The following RUNDC3B variants were observed in gnomAD, a reference collection of about 807,000 sequenced individuals.
RUNDC3B encodes RUN domain containing 3B.
A neutral mutation model predicts 58.4 loss-of-function variants in RUNDC3B; 33 were observed. The ratio of observed to expected loss-of-function variants is 0.56; its 90% CI spans 0.43 to 0.75. The LOEUF (loss-of-function observed/expected upper bound fraction) is 0.75. Ranked by LOEUF, RUNDC3B falls within the 30% of genes least tolerant of loss-of-function variation. RUNDC3B has a pLI of 0.00. For synonymous variants in RUNDC3B, 193 were observed against 195.2 expected, an observed-to-expected ratio of 0.99 and a Z score of 0.10; for missense variants, 501 against 535.7, an observed-to-expected ratio of 0.94 and a Z score of 0.64.
Position 87,628,829 on chromosome 7 carries a change from C to G in RUNDC3B, c.6C>G (p.Ala2=). The G allele has an allele frequency of 8.0e-7, 1 of 1,254,602 alleles. No individual in the cohort carries two copies. The highest frequency in any genetic ancestry group is 1.0e-6 in the Non-Finnish European group (1 of 990,854). The allele number at this position is 1,254,602 out of a possible 1,614,324, so 77.7% of individuals were successfully genotyped here. The change falls in exon 1 of 11, where the codon GCC becomes GCG. Residue 2 remains alanine (A), a synonymous_variant. Transcript: ENST00000394654. M[A]SRSLGGLSGI... ...GGCACGGGGGTAAGCCCGCCATGGC[C>G]TCCCGGAGCCTGGGGGGCCTGAGCG...
Position 87,702,075 on chromosome 7 carries a change from G to A in RUNDC3B, c.372+1521G>A, listed in dbSNP as rs1173164918. ...GGAGAATGGCGTGAACCCAGGAGGC[G>A]GAGCTTGCAGTGAGCAGAGATCGCG... On this transcript the variant is annotated intron_variant, in intron 3 of 10. Coordinates refer to ENST00000394654, the MANE Select transcript of RUNDC3B (RefSeq NM_001134405.2). Among the ~76,000 whole-genome samples, 21 of 143,278 alleles carry A rather than the reference G, an allele frequency of 1.5e-4. 1 individual carries two copies. Among genetic ancestry groups the A allele is most frequent in the Admixed American group, 2.1e-4 (3 of 14,090 alleles). The allele number at this position is 143,278 out of a possible 152,430, so 94.0% of individuals were successfully genotyped here.
intron 9 of RUNDC3B, among the ~76,000 whole-genome samples, chr7:87,810,487 G>A (rs907909925): frequency 6.6e-6 from 1 of 152,174 alleles, no homozygotes; most frequent in African/African-American, 2.4e-5. Flanking sequence ...AAGTTAGGTA[G>A]CAGTTTGTTA....
At chr7:87,673,141 T>G (rs1444890847) in intron 2 of RUNDC3B, among the ~76,000 whole-genome samples, 1 of 152,188 alleles carries the variant, frequency 6.6e-6, no homozygotes, top group Non-Finnish European at 1.5e-5. Context: ...TTTTGCTGCC[T>G]TTAACATTTT....
At chr7:87,709,416 A>G (rs958805020) in intron 3 of RUNDC3B, 28 of 985,250 alleles carry the variant, frequency 2.8e-5, no homozygotes, top group Non-Finnish European at 3.4e-5. Context: ...CCTCTGTTCC[A>G]ATCAGCTACA....
At chr7:87,756,036 G>A (rs1229729390) in intron 6 of RUNDC3B, among the ~76,000 whole-genome samples, 2 of 152,114 alleles carry the variant, frequency 1.3e-5, no homozygotes, top group Admixed American at 6.6e-5. Flanking sequence ...AAGACTTACA[G>A]TCCTTTTTGG....
chr7:87,798,716 A>G (rs1260275487), intron 8 of RUNDC3B, among the ~76,000 whole-genome samples: 3 of 152,186 alleles, frequency 2.0e-5, no homozygotes, highest in African/African-American at 7.2e-5. Flanking sequence ...TTACTCATTA[A>G]TGTCTCTTTC....
At chr7:87,789,752 A>G (rs185231398) in intron 8 of RUNDC3B, among the ~76,000 whole-genome samples, 1 of 152,344 alleles carries the variant, frequency 6.6e-6, no homozygotes, top group Admixed American at 6.5e-5. Context: ...CGGAAATTAG[A>G]TATTACAACA....
chr7:87,640,473 A>G (rs995633068), intron 1 of RUNDC3B, among the ~76,000 whole-genome samples: 1 of 151,920 alleles, frequency 6.6e-6, no homozygotes, highest in African/African-American at 2.4e-5. Flanking sequence ...CCTCCTGAGT[A>G]GCTAGGACTG....
intron 6 of RUNDC3B, among the ~76,000 whole-genome samples, chr7:87,743,016 A>G (rs1343027567): frequency 6.6e-6 from 1 of 151,998 alleles, no homozygotes; most frequent in Non-Finnish European, 1.5e-5. Context: ...CAGGAGGCTG[A>G]GGCAGGAGAA....
intron 4 of RUNDC3B, among the ~76,000 whole-genome samples, chr7:87,727,421 T>G (rs1311186694): frequency 6.6e-6 from 1 of 152,192 alleles, no homozygotes; most frequent in Non-Finnish European, 1.5e-5. Context: ...CTTTTTAAAA[T>G]AGTTCACTTT....
At chr7:87,792,193 T>G (rs1457334105) in intron 8 of RUNDC3B, among the ~76,000 whole-genome samples, 1 of 152,118 alleles carries the variant, frequency 6.6e-6, no homozygotes, top group East Asian at 1.9e-4. Context: ...CAGCCAACAC[T>G]GGAGCACTCA....
chr7:87,660,635 A>G (rs927953785), intron 2 of RUNDC3B, among the ~76,000 whole-genome samples: 3 of 151,864 alleles, frequency 2.0e-5, no homozygotes, highest in Non-Finnish European at 4.4e-5. Flanking sequence ...ATGTATATTA[A>G]TGCATTATTG....
chr7:87,692,296 C>A (rs1048329998), intron 2 of RUNDC3B, among the ~76,000 whole-genome samples: 1 of 152,050 alleles, frequency 6.6e-6, no homozygotes, highest in African/African-American at 2.4e-5. Context: ...ACAAAAAAAA[C>A]ACATAAAAAC....
chr7:87,743,053 G>A (rs541743606), intron 6 of RUNDC3B, among the ~76,000 whole-genome samples: 4 of 151,914 alleles, frequency 2.6e-5, no homozygotes, highest in East Asian at 3.9e-4. Flanking sequence ...GGCGGAGGTT[G>A]CAGTGAGCTG....
rs749015394 is a variant in RUNDC3B, at chr7:87,829,910, T to A, written c.1251T>A (p.Leu417=). 16 of 1,606,624 alleles carry A rather than the reference T, an allele frequency of 1.0e-5. No individual in the cohort carries two copies. Among genetic ancestry groups the A allele is most frequent in the Non-Finnish European group, 1.4e-5 (16 of 1,175,940 alleles). The change falls in exon 11 of 11, where the codon CTT becomes CTA. Residue 417 remains leucine, a synonymous_variant. Coordinates refer to ENST00000394654, the MANE Select transcript of RUNDC3B (RefSeq NM_001134405.2). The stretch of plus-strand genomic sequence containing the variant: ...GTAAGGAAGATACTCCCTCATTACT[T>A]GGCCTCTGTGGATCTCTAACGTCAG... ...SEGKEDTPSL[L]GLCGSLTSVA...
intron 7 of RUNDC3B, among the ~76,000 whole-genome samples, chr7:87,773,096 G>A (rs1457596619): frequency 2.0e-5 from 3 of 151,946 alleles, no homozygotes; most frequent in Non-Finnish European, 4.4e-5. Flanking sequence ...GGCCGAGGCG[G>A]GCGGATCACG....
chr7:87,808,083 T>G (rs1337122655), intron 9 of RUNDC3B, among the ~76,000 whole-genome samples: 7 of 152,160 alleles, frequency 4.6e-5, no homozygotes, highest in Non-Finnish European at 8.8e-5. Flanking sequence ...AATCTTCATC[T>G]TGAAACTTGT....
chr7:87,670,075 T>C (rs1825676220), intron 2 of RUNDC3B, among the ~76,000 whole-genome samples: 1 of 152,222 alleles, frequency 6.6e-6, no homozygotes, highest in African/African-American at 2.4e-5. Flanking sequence ...TCCAAGTTGT[T>C]TTCTTTCTCC....
At chr7:87,638,893 C>G (rs1230625128) in intron 1 of RUNDC3B, among the ~76,000 whole-genome samples, 2 of 152,164 alleles carry the variant, frequency 1.3e-5, no homozygotes, top group South Asian at 2.1e-4. Flanking sequence ...TGGCTCACAC[C>G]TGTAATCCCA....
Sources: allele counts gnomAD v4.1 joint callset (sites outside exome capture counted in the v4.1 genomes callset), GRCh38; gene constraint gnomAD v4.1.1; transcripts MANE v1.5; gene names NCBI Gene and HGNC (gene_info 2026-07-23, HGNC 2026-07-21).